The following UBE2H variants were observed in gnomAD, a reference collection of about 807,000 sequenced individuals.
UBE2H encodes the protein ubiquitin-conjugating enzyme E2 H.
A neutral mutation model predicts 29.0 loss-of-function variants in UBE2H; 3 were observed. The ratio of observed to expected loss-of-function variants is 0.10; its 90% CI spans 0.05 to 0.27. UBE2H has a LOEUF of 0.27. Ranked by LOEUF, UBE2H falls within the 10% of genes least tolerant of loss-of-function variation. UBE2H has a pLI of 1.00. For missense variants in UBE2H, 68 were observed against 228.2 expected (o/e 0.30, Z 4.52); for synonymous variants, 69 against 82.9 (o/e 0.83, Z 0.91).
intron 1 of UBE2H, among the ~76,000 whole-genome samples, chr7:129,888,047 T>C (rs1337092722): frequency 6.6e-6 from 1 of 152,220 alleles, no homozygotes; most frequent in African/African-American, 2.4e-5. Context: ...TGTGTCTGTA[T>C]ATCCATGACA....
chr7:129,868,493 T>C (rs981979942), intron 3 of UBE2H, among the ~76,000 whole-genome samples: 3 of 136,418 alleles, frequency 2.2e-5, no homozygotes, highest in South Asian at 2.2e-4. Context: ...GGCAGGAGAA[T>C]GGCGTGAACC....
chr7:129,860,619 A>C (rs1473159427), intron 3 of UBE2H, among the ~76,000 whole-genome samples: 1 of 152,178 alleles, frequency 6.6e-6, no homozygotes, highest in Non-Finnish European at 1.5e-5. Context: ...GGGTTGGATA[A>C]AGGGGAGTAC....
At chr7:129,889,130 G>A (rs1257186516) in intron 1 of UBE2H, among the ~76,000 whole-genome samples, 1 of 152,202 alleles carries the variant, frequency 6.6e-6, no homozygotes, top group African/African-American at 2.4e-5. Flanking sequence ...ATTACGGAGG[G>A]CTCCGAAGTG....
chr7:129,949,302 A>AG (rs2116537723), intron 1 of UBE2H, among the ~76,000 whole-genome samples: 1 of 152,336 alleles, frequency 6.6e-6, no homozygotes, highest in South Asian at 2.1e-4. Context: ...AGCTGGTTGG[A>AG]GGTGGAAACC....
rs181763539 is a variant in UBE2H, at chr7:129,887,410, C to T, written c.54-6439G>A. Reference sequence around the variant, plus strand: ...CTAATTTTTGTATTTTTAGTAGAGACGGGGTTTCACCATGTTGGTCAAGCT... The same window carrying T: ...CTAATTTTTGTATTTTTAGTAGAGATGGGGTTTCACCATGTTGGTCAAGCT... On this transcript the variant is annotated intron_variant, in intron 1 of 6. Coordinates refer to ENST00000355621, the MANE Select transcript of UBE2H (RefSeq NM_003344.4). Among the ~76,000 whole-genome samples, 417 of 151,712 alleles carry T rather than the reference C, an allele frequency of 2.7e-3. 2 individuals carry two copies. The highest frequency in any genetic ancestry group is 0.014 in the Middle Eastern group (4 of 292).
intron 3 of UBE2H, among the ~76,000 whole-genome samples, chr7:129,874,517 G>A (rs542473794): frequency 6.6e-6 from 1 of 152,196 alleles, no homozygotes; most frequent in African/African-American, 2.4e-5. Context: ...CACTGTGTTA[G>A]CCAGGATGGT....
At chr7:129,881,053 T>TAA in intron 1 of UBE2H, 82 bp from the exon 2 acceptor site, 1 of 1,253,832 alleles carries the variant, frequency 8.0e-7, no homozygotes, top group East Asian at 2.5e-5. Context: ...ATATGCCACT[T>TAA]AAAGTGTTAC....
intron 1 of UBE2H, among the ~76,000 whole-genome samples, chr7:129,901,541 T>C (rs1462301377): frequency 6.6e-6 from 1 of 152,166 alleles, no homozygotes; most frequent in Non-Finnish European, 1.5e-5. Flanking sequence ...AAGAACTGGA[T>C]GACTAACTGT....
At chr7:129,851,550 C>T (rs1469777391) in intron 5 of UBE2H, among the ~76,000 whole-genome samples, 1 of 152,136 alleles carries the variant, frequency 6.6e-6, no homozygotes, top group Non-Finnish European at 1.5e-5. Flanking sequence ...ACTCAGTAAT[C>T]GTAAGTGAAT....
chr7:129,861,799 G>A (rs957514959), intron 3 of UBE2H, among the ~76,000 whole-genome samples: 5 of 152,116 alleles, frequency 3.3e-5, no homozygotes, highest in African/African-American at 1.2e-4. Flanking sequence ...GCTGAGGCAG[G>A]AGAATTGCTT....
intron 1 of UBE2H, among the ~76,000 whole-genome samples, chr7:129,912,295 T>C (rs549710959): frequency 6.6e-6 from 1 of 152,316 alleles, no homozygotes; most frequent in Non-Finnish European, 1.5e-5. Context: ...CTGAAATGCA[T>C]GGGACCAGAA....
chr7:129,914,986 T>C (rs753716170), intron 1 of UBE2H, among the ~76,000 whole-genome samples: 1 of 152,180 alleles, frequency 6.6e-6, no homozygotes, highest in South Asian at 2.1e-4. Flanking sequence ...CTGTTACTAC[T>C]ATGATTAATG....
At chr7:129,944,807 A>G (rs546257831) in intron 1 of UBE2H, among the ~76,000 whole-genome samples, 1 of 152,096 alleles carries the variant, frequency 6.6e-6, no homozygotes, top group African/African-American at 2.4e-5. Context: ...TAGCCAAGAG[A>G]AAAAAAAGCG....
intron 5 of UBE2H, among the ~76,000 whole-genome samples, chr7:129,848,179 C>T (rs776422910): frequency 6.6e-6 from 1 of 152,082 alleles, no homozygotes; most frequent in South Asian, 2.1e-4. Flanking sequence ...GCCAAGATCA[C>T]GCTGCTGCAC....
At chr7:129,894,436 T>C (rs1285858350) in intron 1 of UBE2H, among the ~76,000 whole-genome samples, 2 of 151,664 alleles carry the variant, frequency 1.3e-5, no homozygotes, top group African/African-American at 2.4e-5. Context: ...CAAGACCTTG[T>C]CTCTAAATAA....
intron 3 of UBE2H, among the ~76,000 whole-genome samples, chr7:129,868,851 C>T (rs900649617): frequency 2.0e-5 from 3 of 152,194 alleles, no homozygotes; most frequent in East Asian, 1.9e-4. Flanking sequence ...CTGGCTTGGC[C>T]CCCAAGTTGC....
At chr7:129,918,690 A>C (rs1419333442) in intron 1 of UBE2H, among the ~76,000 whole-genome samples, 1 of 152,208 alleles carries the variant, frequency 6.6e-6, no homozygotes, top group Non-Finnish European at 1.5e-5. Flanking sequence ...GTCCCACTGA[A>C]AACTAAGGAG....
At chr7:129,940,309 T>C (rs1584799599) in intron 1 of UBE2H, among the ~76,000 whole-genome samples, 1 of 152,184 alleles carries the variant, frequency 6.6e-6, no homozygotes, top group Non-Finnish European at 1.5e-5. Flanking sequence ...TCCCTAAAAA[T>C]GGTTTAAAAG....
intron 1 of UBE2H, among the ~76,000 whole-genome samples, chr7:129,936,925 C>T (rs1807542361): frequency 6.6e-6 from 1 of 151,494 alleles, no homozygotes; most frequent in Non-Finnish European, 1.5e-5. Flanking sequence ...TTGCAGTGAG[C>T]CGAGATCACG....
Sources: allele counts gnomAD v4.1 joint callset (sites outside exome capture counted in the v4.1 genomes callset), GRCh38; gene constraint gnomAD v4.1.1; transcripts MANE v1.5; gene names NCBI Gene and HGNC (gene_info 2026-07-23, HGNC 2026-07-21).